Variants in GRM5 observed in about 807,000 individuals in gnomAD.
GRM5 encodes the protein glutamate metabotropic receptor 5.
In GRM5, 19 loss-of-function variants were observed where a neutral mutation model predicts 83.1. That is an observed-to-expected ratio of 0.23 (90% CI 0.16 to 0.34). The LOEUF is 0.34. Ranked by LOEUF, GRM5 falls within the 10% of genes least tolerant of loss-of-function variation. GRM5 has a pLI of 1.00. For missense variants in GRM5, 1,160 were observed against 1,588.3 expected (o/e 0.73, Z 4.58); for synonymous variants, 675 against 633.6 (o/e 1.07, Z -0.98).
chr11:89,017,574 G>C (rs1347603405), intron 2 of GRM5, among the ~76,000 whole-genome samples: 1 of 152,132 alleles, frequency 6.6e-6, no homozygotes, highest in East Asian at 1.9e-4. Context: ...TTCAAGAGAA[G>C]AATGATAACT....
chr11:88,876,561 C>T (rs1189039091), intron 2 of GRM5, among the ~76,000 whole-genome samples: 6 of 152,160 alleles, frequency 3.9e-5, no homozygotes, highest in Admixed American at 6.6e-5. Flanking sequence ...GTTAGTGTAT[C>T]GGGGCTTTTG....
At chr11:88,866,467 G>A (rs560960813) in intron 2 of GRM5, among the ~76,000 whole-genome samples, 3 of 152,034 alleles carry the variant, frequency 2.0e-5, no homozygotes, top group African/African-American at 7.2e-5. Context: ...CAGGTTGATG[G>A]TTGCAGCAGA....
chr11:88,665,845 A>G (rs558792752), intron 3 of GRM5, among the ~76,000 whole-genome samples: 77 of 59,460 alleles, frequency 1.3e-3, no homozygotes, highest in South Asian at 4.2e-3. Context: ...TGAGGGGGCC[A>G]TGATCCAGGA....
intron 2 of GRM5, among the ~76,000 whole-genome samples, chr11:88,951,568 A>G (rs571630420): frequency 1.7e-4 from 26 of 152,346 alleles, no homozygotes; most frequent in African/African-American, 5.5e-4. Flanking sequence ...TGACAGTTCA[A>G]TAGAGAAAGA....
In GRM5 at chr11:89,065,941, T is replaced by C. The variant is rs1406036723; in HGVS notation, c.-366A>G. 1 of 152,018 alleles carries C rather than the reference T, an allele frequency of 6.6e-6. No individual in the cohort carries two copies. The highest frequency in any genetic ancestry group is 1.5e-5 in the Non-Finnish European group (1 of 68,012). 9.4% of individuals were successfully genotyped at this position (152,018 alleles called of 1,614,324 possible). On this transcript the variant is annotated 5_prime_UTR_variant, in exon 1 of 10. Transcript: ENST00000305447. ...GCCCGCGGCGGTGGCGCTCGCTCTC[T>C]CGCGCCAGCGCCGGGAGCACGTGCC...
intron 2 of GRM5, among the ~76,000 whole-genome samples, chr11:89,042,250 T>C (rs1233531494): frequency 2.0e-5 from 3 of 152,118 alleles, no homozygotes; most frequent in South Asian, 2.1e-4. Context: ...TTTAGAAATA[T>C]TGGTGCCACT....
intron 4 of GRM5, among the ~76,000 whole-genome samples, chr11:88,621,347 T>C (rs946874685): frequency 2.0e-5 from 3 of 152,228 alleles, no homozygotes; most frequent in Non-Finnish European, 4.4e-5. Context: ...CCAATTAGCT[T>C]CTTATCATAC....
chr11:88,941,486 GGAGGGGAGA>G (rs2135665960), intron 2 of GRM5, among the ~76,000 whole-genome samples: 3 of 72,898 alleles, frequency 4.1e-5, no homozygotes, highest in African/African-American at 1.0e-4. Context: ...GGAGGGGAGA[GGAGGGGAGA>G]GGAGGGGAGA....
At position 88,508,864 on chromosome 11, in the gene GRM5, C is replaced by T. The variant is rs763391591; in HGVS notation, c.3367G>A (p.Val1123Ile). 6 of 1,582,672 alleles carry T rather than the reference C, an allele frequency of 3.8e-6. No homozygotes were observed. Among genetic ancestry groups the T allele is most frequent in the South Asian group, 3.5e-5 (3 of 86,502 alleles). ...AEIQPLPAIE[V>I]TGGAQPAAGA... The stretch of plus-strand genomic sequence containing the variant: ...GCCGCGGGCTGCGCGCCTCCCGTGA[C>T]TTCGATGGCCGGCAGAGGCTGGATT... The change falls in exon 10 of 10, where the codon GTC becomes ATC. Residue 1123 changes from valine (V) to isoleucine (I), a missense_variant. By Grantham distance (29) the Val-to-Ile change is conservative (BLOSUM62 3). Around this residue, in one of 9 missense-constraint regions of GRM5, gnomAD observed 562 missense variants for 532.4 expected, o/e 1.06. Coordinates refer to ENST00000305447, the MANE Select transcript of GRM5 (RefSeq NM_001143831.3). This position sits in a 1 kb window ranked among gnomAD's most constrained non-coding sequence, Gnocchi z 4.2.
chr11:88,693,402 G>A (rs539316560), intron 3 of GRM5, among the ~76,000 whole-genome samples: 61 of 152,286 alleles, frequency 4.0e-4, no homozygotes, highest in Non-Finnish European at 7.2e-4. Context: ...AAAGCCTTTC[G>A]AGGAAGCAGA....
intron 2 of GRM5, among the ~76,000 whole-genome samples, chr11:89,013,150 C>T (rs917198579): frequency 2.6e-5 from 4 of 152,060 alleles, no homozygotes; most frequent in Non-Finnish European, 5.9e-5. Flanking sequence ...GATAGCACGT[C>T]GTGTTGCTAC....
intron 2 of GRM5, among the ~76,000 whole-genome samples, chr11:89,027,995 C>T (rs1280535823): frequency 6.6e-6 from 1 of 152,146 alleles, no homozygotes; most frequent in African/African-American, 2.4e-5. Flanking sequence ...TTCCTTGGAT[C>T]TTCTGCCATG....
intron 2 of GRM5, among the ~76,000 whole-genome samples, chr11:88,962,626 C>T (rs181124998): frequency 2.5e-3 from 387 of 151,854 alleles, no homozygotes; most frequent in Non-Finnish European, 4.7e-3. Flanking sequence ...CATTTATTAC[C>T]ATTATTAAGT....
chr11:88,822,768 T>C (rs12287262), intron 3 of GRM5, among the ~76,000 whole-genome samples: 3,896 of 152,038 alleles, frequency 0.026, 174 homozygotes, highest in African/African-American at 0.089. Context: ...ATCCATATTC[T>C]TTCTCTCTCT....
intron 6 of GRM5, among the ~76,000 whole-genome samples, chr11:88,594,627 CATTA>C (rs1207290258): frequency 2.0e-5 from 3 of 152,192 alleles, no homozygotes; most frequent in African/African-American, 7.2e-5. Context: ...ATTTAGCAGA[CATTA>C]ATTAATTTAT....
Position 88,859,051 on chromosome 11 carries a change from A to G in GRM5, c.662-8896T>C, listed in dbSNP as rs181841206. ...ACCAAGATAATATATTCTTATGGAA[A>G]TCAGGAAAAGAAACTGTTTTTACAC... On this transcript the variant is annotated intron_variant, in intron 2 of 9. Coordinates refer to ENST00000305447, the MANE Select transcript of GRM5 (RefSeq NM_001143831.3). 4.3e-4 allele frequency among the ~76,000 whole-genome samples: 66 copies of G among 152,192 alleles called. 2 individuals are homozygous for G. The East Asian group carries it at 0.012, about 27-fold the overall frequency.
At chr11:88,742,601 T>C (rs1490312472) in intron 3 of GRM5, among the ~76,000 whole-genome samples, 2 of 152,084 alleles carry the variant, frequency 1.3e-5, no homozygotes, top group Admixed American at 6.6e-5. Context: ...TATTTATTGT[T>C]CCTTTCTGTG....
chr11:88,554,292 C>T (rs1266902790), intron 8 of GRM5, among the ~76,000 whole-genome samples: 2 of 152,088 alleles, frequency 1.3e-5, no homozygotes, highest in African/African-American at 4.8e-5. Context: ...ACCCCGCTTC[C>T]CTCTTGTAAT....
At chr11:88,530,433 G>A (rs1000288985) in intron 8 of GRM5, among the ~76,000 whole-genome samples, 17 of 151,940 alleles carry the variant, frequency 1.1e-4, no homozygotes, top group African/African-American at 4.1e-4. Context: ...CTTATCTTCT[G>A]TAAAGATTTT....
Sources: gnomAD v4.1 joint callset for allele counts (sites outside exome capture counted in the v4.1 genomes callset) on GRCh38, gnomAD v4.1.1 for gene constraint, gnomAD v4.1.1 regional missense constraint, Gnocchi (gnomAD v3.1) non-coding constraint, MANE v1.5 for transcripts, NCBI Gene and HGNC (gene_info 2026-07-23, HGNC 2026-07-21) for gene names.